HIBADH: variants seen among roughly 807,000 people sequenced by gnomAD.
HIBADH encodes the protein 3-hydroxyisobutyrate dehydrogenase, mitochondrial.
In HIBADH, 25 loss-of-function variants were observed where a neutral mutation model predicts 36.1. The ratio of observed to expected loss-of-function variants is 0.69; its 90% CI spans 0.50 to 0.97. The LOEUF (loss-of-function observed/expected upper bound fraction) is 0.97. Among genes scored for constraint, HIBADH ranks in the 50% least tolerant of loss-of-function variants. The pLI, the probability that HIBADH is intolerant of heterozygous loss-of-function variation, is 0.00. For missense variants in HIBADH, 421 were observed against 418.0 expected (o/e 1.01, Z -0.06); for synonymous variants, 160 against 149.5 (o/e 1.07, Z -0.51).
chr7:27,595,352 T>C (rs532324479), intron 4 of HIBADH, among the ~76,000 whole-genome samples: 5 of 152,154 alleles, frequency 3.3e-5, no homozygotes, highest in African/African-American at 9.6e-5. Context: ...CCCCCGTCTC[T>C]ATGAAAAGTA....
At chr7:27,547,842 CA>C (rs971508170) in intron 4 of HIBADH, among the ~76,000 whole-genome samples, 14 of 151,720 alleles carry the variant, frequency 9.2e-5, no homozygotes, top group African/African-American at 3.4e-4. Context: ...TTACTTTGCA[CA>C]AAAAAATTGT....
At position 27,635,433 on chromosome 7, in the gene HIBADH, T is replaced by C. The variant is rs1785822564; in HGVS notation, c.253-2988A>G. ...TGGGAAGCCAGAGACCCGGGTTAAGTTGCAGCTCAGCCAAGAAGTCATGGG... is the reference window on the plus strand; with the variant it reads ...TGGGAAGCCAGAGACCCGGGTTAAGCTGCAGCTCAGCCAAGAAGTCATGGG... On this transcript the variant is annotated intron_variant, in intron 2 of 7. Transcript: ENST00000265395. Among the ~76,000 whole-genome samples the C allele has an allele frequency of 2.6e-5, 4 of 152,200 alleles. No homozygotes were observed. The South Asian group carries it at 8.3e-4, about 31-fold the overall frequency.
At chr7:27,574,166 G>A (rs1784668963) in intron 4 of HIBADH, among the ~76,000 whole-genome samples, 1 of 150,806 alleles carries the variant, frequency 6.6e-6, no homozygotes, top group Admixed American at 6.6e-5. Flanking sequence ...AATCAGAAAA[G>A]TCTGTGATGG....
At chr7:27,605,867 T>G (rs1785216383) in intron 4 of HIBADH, among the ~76,000 whole-genome samples, 1 of 152,148 alleles carries the variant, frequency 6.6e-6, no homozygotes, top group Non-Finnish European at 1.5e-5. Context: ...CAGGTTTGGA[T>G]GCAATGCCAC....
Position 27,567,124 on chromosome 7 carries a change from G to C in HIBADH, c.485-24024C>G, listed in dbSNP as rs569196092. Among the ~76,000 whole-genome samples the C allele has an allele frequency of 2.6e-5, 4 of 152,232 alleles. No homozygotes were observed. In the East Asian group the frequency reaches 7.7e-4, roughly 29 times the overall value. The stretch of plus-strand genomic sequence containing the variant: ...TGTCATATCCATTACTGAGAGAGAA[G>C]TGTTGAAGTCTCCAATAATAATTGT... On this transcript the variant is annotated intron_variant, in intron 4 of 7. Transcript: ENST00000265395.
At chr7:27,623,288 C>T (rs1181110087) in intron 4 of HIBADH, among the ~76,000 whole-genome samples, 1 of 152,134 alleles carries the variant, frequency 6.6e-6, no homozygotes, top group East Asian at 1.9e-4. Context: ...ACACTCACAG[C>T]TAACATCATA....
At chr7:27,543,469 T>C (rs62456898) in intron 4 of HIBADH, among the ~76,000 whole-genome samples, 5 of 152,168 alleles carry the variant, frequency 3.3e-5, no homozygotes, top group Non-Finnish European at 4.4e-5. Context: ...AAAAAAGTTT[T>C]ACCTGGGCCC....
At chr7:27,530,831 C>T (rs1783986018) in intron 7 of HIBADH, among the ~76,000 whole-genome samples, 1 of 152,110 alleles carries the variant, frequency 6.6e-6, no homozygotes, top group African/African-American at 2.4e-5. Flanking sequence ...GTATTATTAA[C>T]AATGAGAAAA....
At position 27,573,407 on chromosome 7, in the gene HIBADH, T is replaced by C. The variant is rs548400833; in HGVS notation, c.485-30307A>G. On this transcript the variant is annotated intron_variant, in intron 4 of 7. Coordinates refer to ENST00000265395, the MANE Select transcript of HIBADH (RefSeq NM_152740.4). Reference sequence around the variant, plus strand: ...CTCTGTTATGGCAATTACCGATCCATACTGTAACACAGTATCTTTTTCCAT... The same window carrying C: ...CTCTGTTATGGCAATTACCGATCCACACTGTAACACAGTATCTTTTTCCAT... Among the ~76,000 whole-genome samples, 11 of 152,344 alleles carry C rather than the reference T, an allele frequency of 7.2e-5. No homozygotes were observed. In the South Asian group the frequency reaches 2.3e-3, roughly 32 times the overall value.
intron 2 of HIBADH, among the ~76,000 whole-genome samples, chr7:27,646,493 T>C (rs1786073640): frequency 6.6e-6 from 1 of 152,052 alleles, no homozygotes; most frequent in Non-Finnish European, 1.5e-5. Context: ...TACCAAATCC[T>C]ATACAGACTA....
intron 4 of HIBADH, among the ~76,000 whole-genome samples, chr7:27,560,956 C>T (rs1256736149): frequency 1.3e-4 from 20 of 152,228 alleles, no homozygotes; most frequent in Admixed American, 1.3e-3. Flanking sequence ...TCCACATCCT[C>T]AACACCACTT....
At chr7:27,548,239 T>G (rs1399902071) in intron 4 of HIBADH, among the ~76,000 whole-genome samples, 3 of 149,474 alleles carry the variant, frequency 2.0e-5, no homozygotes, top group Non-Finnish European at 3.0e-5. Flanking sequence ...TTTGCTAAAC[T>G]GCCTTCTTTC....
intron 2 of HIBADH, 135 bp from the exon 3 acceptor site, chr7:27,632,580 CA>C (rs143191859): frequency 0.24 from 48,193 of 200,868 alleles, 165 homozygotes; most frequent in Middle Eastern, 0.28. Flanking sequence ...TGCAAATGAC[CA>C]AAAAAAAAAA....
intron 4 of HIBADH, among the ~76,000 whole-genome samples, chr7:27,611,147 ATTTAAT>A (rs1785314040): frequency 6.6e-6 from 1 of 152,186 alleles, no homozygotes; most frequent in African/African-American, 2.4e-5. Flanking sequence ...AAGTTCAATT[ATTTAAT>A]TTTGACATTA....
intron 5 of HIBADH, 49 bp downstream of exon 5, chr7:27,542,918 T>C: frequency 6.4e-7 from 1 of 1,568,350 alleles, no homozygotes; most frequent in Non-Finnish European, 8.7e-7. Flanking sequence ...AAAGGAACAT[T>C]AGTCAATTTT....
intron 4 of HIBADH, among the ~76,000 whole-genome samples, chr7:27,607,798 G>C (rs1785256136): frequency 6.6e-6 from 1 of 151,844 alleles, no homozygotes; most frequent in Admixed American, 6.6e-5. Context: ...TATGCCATTA[G>C]TGCATAGAAA....
rs894345245 is a variant in HIBADH, at chr7:27,538,541, T to C, written c.619-124A>G. On this transcript the variant is annotated intron_variant, in intron 5 of 7. Coordinates refer to ENST00000265395, the MANE Select transcript of HIBADH (RefSeq NM_152740.4). ...AAATAACATTCAACTGTTGATTTTC[T>C]CGAGTGCGGAAGAGAACCTGATGCA... The C allele has an allele frequency of 5.0e-6, 4 of 799,340 alleles. No homozygotes were observed. The African/African-American group carries it at 6.8e-5, about 14-fold the overall frequency. 49.5% of individuals were successfully genotyped at this position (799,340 alleles called of 1,614,324 possible). A position where few individuals can be genotyped will look rare whatever the true frequency, so the allele number is the denominator to read the frequency against.
chr7:27,581,886 T>C (rs866483222), intron 4 of HIBADH, among the ~76,000 whole-genome samples: 3 of 152,092 alleles, frequency 2.0e-5, no homozygotes, highest in Non-Finnish European at 4.4e-5. Context: ...CTTCTTGTGT[T>C]TTCTTTGATA....
chr7:27,613,159 A>T (rs1785359063), intron 4 of HIBADH, among the ~76,000 whole-genome samples: 1 of 8,848 alleles, frequency 1.1e-4, no homozygotes, highest in South Asian at 2.4e-3. Context: ...TTATATAAAT[A>T]TATATATTTA....
Sources: gnomAD v4.1 joint callset for allele counts (sites outside exome capture counted in the v4.1 genomes callset) on GRCh38, gnomAD v4.1.1 for gene constraint, MANE v1.5 for transcripts, NCBI Gene and HGNC (gene_info 2026-07-23, HGNC 2026-07-21) for gene names.